The following AHNAK2 variants were observed in gnomAD, a reference collection of about 807,000 sequenced individuals.
AHNAK2 encodes protein AHNAK2.
In AHNAK2, 18 loss-of-function variants were observed where a neutral mutation model predicts 30.7. The ratio of observed to expected loss-of-function variants is 0.59; its 90% confidence interval spans 0.41 to 0.87. The LOEUF is 0.87. AHNAK2 is among the 40% of genes least tolerant of loss of function. The probability of loss-of-function intolerance (pLI) is 0.00; values close to 1 mark genes in which losing one functional copy is unlikely to be tolerated. For missense variants in AHNAK2, 8,604 were observed against 7,373.0 expected (o/e 1.17, Z -6.11); for synonymous variants, 3,590 against 3,073.8 (o/e 1.17, Z -5.56).
Position 104,957,624 on chromosome 14 carries a change from T to C in AHNAK2, c.104A>G (p.Asp35Gly). ...CCTGCTCTCACTTACAGAGTGGTCATCTTCCGTTTCTGCACCTGGCTCCCC... is the reference window on the plus strand; with the variant it reads ...CCTGCTCTCACTTACAGAGTGGTCACCTTCCGTTTCTGCACCTGGCTCCCC... ...QPGEPGAETEDDHSVTEGPAD... is the reference protein window; with the variant it reads ...QPGEPGAETEGDHSVTEGPAD... Residue 35 changes from aspartate to glycine, a missense_variant, in exon 2 of 7, where the codon GAT (aspartate) becomes GGT (glycine). Asp to Gly is a moderately conservative substitution (Grantham distance 94, BLOSUM62 -1). Coordinates refer to ENST00000333244, the MANE Select transcript of AHNAK2 (RefSeq NM_138420.4). 6.2e-7 allele frequency: 1 copy of C among 1,611,102 alleles called. No homozygotes were observed. Among genetic ancestry groups the C allele is most frequent in the Non-Finnish European group, 8.5e-7 (1 of 1,179,196 alleles).
chr14:104,969,288 A>C (rs533576089), intron 1 of AHNAK2, among the ~76,000 whole-genome samples: 6 of 152,276 alleles, frequency 3.9e-5, no homozygotes, highest in African/African-American at 1.2e-4. Flanking sequence ...CTCCCGAAAC[A>C]ACCTTTCGTA....
In AHNAK2 at chr14:104,953,945, T is replaced by C. The variant is rs1898886196; in HGVS notation, c.1506A>G (p.Pro502=). 2 of 1,614,006 alleles carry C rather than the reference T, an allele frequency of 1.2e-6. No individual in the cohort carries two copies. The highest frequency in any genetic ancestry group is 1.7e-6 in the Non-Finnish European group (2 of 1,179,884). ...GGGTACTAAGGCGCCTTTCTCTTTCTGGCTCTTTTTCTGTGGAAAATGCAA... is the reference window on the plus strand; with the variant it reads ...GGGTACTAAGGCGCCTTTCTCTTTCCGGCTCTTTTTCTGTGGAAAATGCAA... The part of the protein sequence containing the change: ...PKFAFSTEKE[P]ERERRLSTPQ... The change falls in exon 7 of 7, where the codon CCA becomes CCG. Residue 502 remains proline (P), a synonymous_variant. Coordinates refer to ENST00000333244, the MANE Select transcript of AHNAK2 (RefSeq NM_138420.4).
At chr14:104,968,410 G>A (rs1349319369) in intron 1 of AHNAK2, among the ~76,000 whole-genome samples, 6 of 152,162 alleles carry the variant, frequency 3.9e-5, no homozygotes, top group African/African-American at 7.2e-5. Context: ...GAGGCGGGGA[G>A]GGGCCGAGCG....
Position 104,942,529 on chromosome 14 carries a change from A to G in AHNAK2, c.12922T>C (p.Phe4308Leu), listed in dbSNP as rs766281814. ...FKMPKFKMPS[F>L]GVSAPGKSIE... ...GACTTGCCTGGGGCAGACACCCCGAACGACGGCATCTTGAACTTGGGCATT... is the reference window on the plus strand; with the variant it reads ...GACTTGCCTGGGGCAGACACCCCGAGCGACGGCATCTTGAACTTGGGCATT... Residue 4308 changes from phenylalanine to leucine, a missense_variant, in exon 7 of 7, where the codon TTC becomes CTC. Phe to Leu is a conservative substitution (Grantham distance 22). Coordinates refer to ENST00000333244, the MANE Select transcript of AHNAK2 (RefSeq NM_138420.4). The G allele has an allele frequency of 6.2e-7, 1 of 1,612,798 alleles. No individual in the cohort carries two copies.
In AHNAK2 at chr14:104,942,873, T is replaced by G. The variant is rs1293944156; in HGVS notation, c.12578A>C (p.Gln4193Pro). ...GAGTTTCACGTCCACTTGGCCAGCC[T>G]GGACCTCCAGGTCGGCGGAAGGGGA... ...IQSPSADLEV[Q>P]AGQVDVKLPE... The change falls in exon 7 of 7, where the codon CAG becomes CCG. Residue 4193 changes from glutamine (Q) to proline (P), a missense_variant. Physicochemically the swap from Gln to Pro is moderately conservative, Grantham distance 76. Transcript: ENST00000333244. 1.2e-6 allele frequency: 2 copies of G among 1,612,864 alleles called. No homozygotes were observed. Among genetic ancestry groups the G allele is most frequent in the Admixed American group, 3.3e-5 (2 of 59,944 alleles).
intron 1 of AHNAK2, among the ~76,000 whole-genome samples, chr14:104,964,300 C>G (rs1218381184): frequency 6.6e-6 from 1 of 152,144 alleles, no homozygotes; most frequent in Non-Finnish European, 1.5e-5. Flanking sequence ...CCATATGCTC[C>G]CAGGAGAATG....
rs199928133 is a variant in AHNAK2, at chr14:104,952,181, C to T, written c.3270G>A (p.Lys1090=). The change falls in exon 7 of 7, where the codon AAG becomes AAA. Residue 1090 remains lysine (K), a synonymous_variant. Transcript: ENST00000333244. ...HLPKVEMPSF[K]MPKVALKGPQ... ...GGCCCTTGAGGGCCACTTTGGGCAT[C>T]TTGAAACTGGGCATCTCCACCTTGG... 1,047 of 1,612,416 alleles carry T rather than the reference C, an allele frequency of 6.5e-4. 7 individuals carry two copies. Among genetic ancestry groups the T allele is most frequent in the Non-Finnish European group, 5.8e-4 (679 of 1,179,576 alleles).
intron 1 of AHNAK2, among the ~76,000 whole-genome samples, chr14:104,967,117 C>A (rs1274021441): frequency 6.6e-6 from 1 of 152,134 alleles, no homozygotes; most frequent in Non-Finnish European, 1.5e-5. Flanking sequence ...CCTCGGAGAC[C>A]GGGTGTCCCA....
chr14:104,968,422 G>A (rs1380856658), intron 1 of AHNAK2, among the ~76,000 whole-genome samples: 3 of 152,176 alleles, frequency 2.0e-5, no homozygotes, highest in African/African-American at 7.2e-5. Context: ...GGCCGAGCGG[G>A]AGGGGAGAAG....
intron 1 of AHNAK2, among the ~76,000 whole-genome samples, chr14:104,967,393 A>G (rs1414782930): frequency 6.6e-6 from 1 of 152,252 alleles, no homozygotes; most frequent in Non-Finnish European, 1.5e-5. Flanking sequence ...TGAGCTGGGC[A>G]CAGCCGGCTG....
Position 104,952,085 on chromosome 14 carries a change from C to A in AHNAK2, c.3366G>T (p.Val1122=), listed in dbSNP as rs759535344. 23 of 1,605,352 alleles carry A rather than the reference C, an allele frequency of 1.4e-5. No homozygotes were observed. In the Admixed American group the frequency reaches 2.9e-4, roughly 20 times the overall value. The change falls in exon 7 of 7, where the codon GTG becomes GTT. Residue 1122 remains valine, a synonymous_variant. Transcript: ENST00000333244. ...CCTCCACGCTGGGCAGAGACACCTC[C>A]ACATCAGGGGCTGTGACTTCCGCCT... is the stretch of plus-strand genomic sequence containing the variant. ...SPKAEVTAPD[V]EVSLPSVEVD...
At position 104,940,392 on chromosome 14, in the gene AHNAK2, C is replaced by G; in HGVS notation, c.15059G>C (p.Gly5020Ala). 1 of 1,613,902 alleles carries G rather than the reference C, an allele frequency of 6.2e-7. No individual in the cohort carries two copies. The highest frequency in any genetic ancestry group is 1.1e-5 in the South Asian group (1 of 91,080). Reference sequence around the variant, plus strand: ...AAGTGCAAGTTTTGGCATGGCAAAGCCAGGCTTTGTGCTCCTCCCCTTCTC... The same window carrying G: ...AAGTGCAAGTTTTGGCATGGCAAAGGCAGGCTTTGTGCTCCTCCCCTTCTC... ...DGEKGRSTKP[G>A]FAMPKLALPK... Residue 5020 changes from glycine to alanine, a missense_variant, in exon 7 of 7, where the codon GGC becomes GCC. Physicochemically the swap from Gly to Ala is moderately conservative, Grantham distance 60. Coordinates refer to ENST00000333244, the MANE Select transcript of AHNAK2 (RefSeq NM_138420.4). The surrounding 1 kb of genome is among the most constrained non-coding windows in gnomAD (Gnocchi z 4.4).
rs1899044876 is a variant in AHNAK2, at chr14:104,958,532, A to G, written c.56-860T>C. 3.3e-5 allele frequency among the ~76,000 whole-genome samples: 5 copies of G among 152,352 alleles called. No individual in the cohort carries two copies. The South Asian group carries it at 1.0e-3, about 32-fold the overall frequency. Reference sequence around the variant, plus strand: ...TGGAAAATATGTTAACAATGGCTCAATGAAGAGAGAATCTCATAAAGAAAT... The same window carrying G: ...TGGAAAATATGTTAACAATGGCTCAGTGAAGAGAGAATCTCATAAAGAAAT... On this transcript the variant is annotated intron_variant, in intron 1 of 6. Coordinates refer to ENST00000333244, the MANE Select transcript of AHNAK2 (RefSeq NM_138420.4).
rs765166700 is a variant in AHNAK2 at position 104,951,796 on chromosome 14, C to T, written c.3655G>A (p.Asp1219Asn). ...TDLSIQPPSA[D>N]LEVHAGQVDV... ...ACCTGGCCAGCGTGGACCTCCAGGTCAGCGGAAGGGGGCTGAATGCTGAGG... is the reference window on the plus strand; with the variant it reads ...ACCTGGCCAGCGTGGACCTCCAGGTTAGCGGAAGGGGGCTGAATGCTGAGG... The change falls in exon 7 of 7, where the codon GAC becomes AAC. Residue 1219 changes from aspartate (D) to asparagine (N), a missense_variant. Transcript: ENST00000333244. 2 of 1,354,178 alleles carry T rather than the reference C, an allele frequency of 1.5e-6. No individual in the cohort carries two copies. Among genetic ancestry groups the T allele is most frequent in the Admixed American group, 3.6e-5 (2 of 56,052 alleles). The allele number at this position is 1,354,178 out of a possible 1,614,324, so 83.9% of individuals were successfully genotyped here.
At position 104,941,418 on chromosome 14, in the gene AHNAK2, T is replaced by TGAA. The variant is rs1261842843; in HGVS notation, c.14030_14032dup (p.Leu4677dup). The TGAA allele has an allele frequency of 6.2e-7, 1 of 1,613,104 alleles. No individual in the cohort carries two copies. The highest frequency in any genetic ancestry group is 2.2e-5 in the East Asian group (1 of 44,892). ...CAAGTTACCATCGCGAGATGGATCA[T>TGAA]GAAGATCACCTTCATGAACAACAGA... On this transcript the variant is annotated inframe_insertion, in exon 7 of 7. Transcript: ENST00000333244.
rs1216493129 is a variant in AHNAK2, at chr14:104,943,821, G to A, written c.11630C>T (p.Pro3877Leu). 7 of 1,613,108 alleles carry A rather than the reference G, an allele frequency of 4.3e-6. No individual in the cohort carries two copies. Among genetic ancestry groups the A allele is most frequent in the Non-Finnish European group, 5.9e-6 (7 of 1,179,622 alleles). Residue 3877 changes from proline (P) to leucine (L), a missense_variant, in exon 7 of 7, where the codon CCC becomes CTC. Coordinates refer to ENST00000333244, the MANE Select transcript of AHNAK2 (RefSeq NM_138420.4). ...VDMKLLEGHV[P>L]EEAGLKGHLP... ...GTGTCCTTTGAGGCCGGCTTCCTCG[G>A]GCACGTGGCCCTCCAGGAGTTTCAT...
chr14:104,952,934 C>G lies in AHNAK2; in HGVS notation c.2517G>C (p.Lys839Asn). ...KDSKFKMPKFKMPSFGVSAPG... is the reference protein window; with the variant it reads ...KDSKFKMPKFNMPSFGVSAPG... Reference sequence around the variant, plus strand: ...GGGCCGACACCCCGAATGATGGCATCTTGAACTTGGGCATTTTGAACTTGC... The same window carrying G: ...GGGCCGACACCCCGAATGATGGCATGTTGAACTTGGGCATTTTGAACTTGC... Residue 839 changes from lysine to asparagine, a missense_variant, in exon 7 of 7, where the codon AAG becomes AAC. By Grantham distance (94) the Lys-to-Asn change is moderately conservative (BLOSUM62 0). Transcript: ENST00000333244. The G allele has an allele frequency of 1.2e-6, 2 of 1,612,108 alleles. No homozygotes were observed. Among genetic ancestry groups the G allele is most frequent in the South Asian group, 2.2e-5 (2 of 90,970 alleles).
Position 104,955,137 on chromosome 14 carries a change from A to T in AHNAK2, c.471T>A (p.Asp157Glu). 1 of 1,606,298 alleles carries T rather than the reference A, an allele frequency of 6.2e-7. No homozygotes were observed. The highest frequency in any genetic ancestry group is 8.5e-7 in the Non-Finnish European group (1 of 1,177,508). Residue 157 changes from aspartate to glutamate, a missense_variant, in exon 6 of 7, where the codon GAT becomes GAA. Asp to Glu is a conservative substitution (Grantham distance 45). Coordinates refer to ENST00000333244, the MANE Select transcript of AHNAK2 (RefSeq NM_138420.4). Reference protein sequence around the residue: ...AAKLFNLREGDQLLSTTVFFE... With the variant: ...AAKLFNLREGEQLLSTTVFFE... Reference sequence around the variant, plus strand: ...AGAACACGGTTGTACTGAGCAGCTGATCCCCTAGACCAAGAAAGAGCAGCC... The same window carrying T: ...AGAACACGGTTGTACTGAGCAGCTGTTCCCCTAGACCAAGAAAGAGCAGCC...
Position 104,948,584 on chromosome 14 carries a change from C to T in AHNAK2, c.6867G>A (p.Lys2289=). 1 of 1,612,612 alleles carries T rather than the reference C, an allele frequency of 6.2e-7. No homozygotes were observed. Among genetic ancestry groups the T allele is most frequent in the African/African-American group, 1.4e-5 (1 of 74,068 alleles). The change falls in exon 7 of 7, where the codon AAG becomes AAA. Residue 2289 remains lysine, a synonymous_variant. Coordinates refer to ENST00000333244, the MANE Select transcript of AHNAK2 (RefSeq NM_138420.4). The stretch of plus-strand genomic sequence containing the variant: ...CACCATCCAGCTTGGCTCCTGGGGC[C>T]TTGACGTCCACCTCCACGCTGGGCA... ...VSLPSVEVDV[K]APGAKLDGAR...
Sources: allele counts gnomAD v4.1 joint callset (sites outside exome capture counted in the v4.1 genomes callset), GRCh38; gene constraint gnomAD v4.1.1; non-coding constraint Gnocchi (gnomAD v3.1); transcripts MANE v1.5; gene names NCBI Gene and HGNC (gene_info 2026-07-23, HGNC 2026-07-21).